The following PARD3B variants were observed in gnomAD, a reference collection of about 807,000 sequenced individuals.
PARD3B encodes the protein par-3 family cell polarity regulator beta, also known as partitioning defective 3 homolog B.
PARD3B carries 103 observed loss-of-function variants against 130.2 expected under a neutral mutation model. That is an observed-to-expected ratio of 0.79 (90% confidence interval 0.67 to 0.93). The LOEUF is 0.93. Ranked by LOEUF, PARD3B falls within the 40% of genes least tolerant of loss-of-function variation. PARD3B has a pLI of 0.00. For missense variants in PARD3B, 1,609 were observed against 1,499.2 expected, an observed-to-expected ratio of 1.07 and a Z score of -1.21; for synonymous variants, 583 against 553.2, an observed-to-expected ratio of 1.05 and a Z score of -0.76.
chr2:205,340,809 C>A (rs2043496236), intron 18 of PARD3B, among the ~76,000 whole-genome samples: 3 of 151,962 alleles, frequency 2.0e-5, no homozygotes. Flanking sequence ...GTGAAGAGGC[C>A]ACTCCACTCT....
chr2:205,007,238 G>A (rs1406206078), intron 3 of PARD3B, among the ~76,000 whole-genome samples: 1 of 152,004 alleles, frequency 6.6e-6, no homozygotes. Context: ...AAGTTTTCTG[G>A]GGCCTCACCA....
chr2:205,132,288 A>C (rs1423592112), intron 10 of PARD3B, among the ~76,000 whole-genome samples: 4 of 152,188 alleles, frequency 2.6e-5, no homozygotes, highest in African/African-American at 9.7e-5. Flanking sequence ...CAATAATTCC[A>C]AAGTTTTTAA....
intron 16 of PARD3B, among the ~76,000 whole-genome samples, chr2:205,282,625 A>G (rs890981166): frequency 1.3e-5 from 2 of 151,708 alleles, no homozygotes; most frequent in African/African-American, 4.8e-5. Flanking sequence ...AATTTGAGAA[A>G]GTATAAATCA....
At chr2:204,692,675 T>A (rs1311429185) in intron 2 of PARD3B, among the ~76,000 whole-genome samples, 1 of 151,956 alleles carries the variant, frequency 6.6e-6, no homozygotes, top group East Asian at 1.9e-4. Flanking sequence ...TTCATGGGAG[T>A]TGATGTTATA....
intron 18 of PARD3B, among the ~76,000 whole-genome samples, chr2:205,385,861 C>G (rs1281221050): frequency 6.6e-6 from 1 of 151,996 alleles, no homozygotes; most frequent in African/African-American, 2.4e-5. Context: ...AATTGGGATC[C>G]CACAGCCTGA....
intron 2 of PARD3B, among the ~76,000 whole-genome samples, chr2:204,860,959 G>T (rs894201124): frequency 6.6e-6 from 1 of 152,150 alleles, no homozygotes; most frequent in Non-Finnish European, 1.5e-5. Context: ...ACACAAAAAT[G>T]TAGAGTTTTC....
intron 1 of PARD3B, among the ~76,000 whole-genome samples, chr2:204,605,237 T>C (rs563708831): frequency 2.9e-4 from 44 of 152,244 alleles, no homozygotes; most frequent in African/African-American, 1.1e-3. Context: ...GAATTAGACT[T>C]TCCATGCCAA....
At chr2:205,518,044 T>A (rs10174857) in intron 21 of PARD3B, among the ~76,000 whole-genome samples, 143,269 of 152,200 alleles carry the variant, frequency 0.94, 68,035 homozygotes, top group East Asian at 1. Flanking sequence ...GGTGATGAGA[T>A]GAATGTATAT....
chr2:204,980,087 A>G (rs1386076272), intron 3 of PARD3B, among the ~76,000 whole-genome samples: 2 of 152,206 alleles, frequency 1.3e-5, no homozygotes, highest in East Asian at 3.8e-4. Context: ...CTGACAAAGG[A>G]TAGTGTACAG....
At chr2:204,958,397 G>A (rs1423633785) in intron 2 of PARD3B, among the ~76,000 whole-genome samples, 2 of 152,308 alleles carry the variant, frequency 1.3e-5, no homozygotes, top group East Asian at 3.9e-4. Context: ...AGACCAGACA[G>A]CACAAACCAT....
chr2:204,975,694 AT>A (rs1212388191), intron 3 of PARD3B, among the ~76,000 whole-genome samples: 1 of 152,212 alleles, frequency 6.6e-6, no homozygotes, highest in Non-Finnish European at 1.5e-5. Context: ...ATTTATTAGC[AT>A]GCTATTGAGT....
intron 3 of PARD3B, among the ~76,000 whole-genome samples, chr2:205,042,090 A>G (rs1698431801): frequency 6.6e-6 from 1 of 152,172 alleles, no homozygotes; most frequent in South Asian, 2.1e-4. Flanking sequence ...ATTCATTGGT[A>G]TACCAATTTC....
intron 20 of PARD3B, among the ~76,000 whole-genome samples, chr2:205,467,523 T>C (rs898955755): frequency 2.0e-5 from 3 of 152,258 alleles, no homozygotes; most frequent in African/African-American, 7.2e-5. Flanking sequence ...ATAATATATT[T>C]TATTTAACTC....
chr2:204,553,603 T>G (rs1441197775), intron 1 of PARD3B, among the ~76,000 whole-genome samples: 2 of 134,646 alleles, frequency 1.5e-5, no homozygotes, highest in East Asian at 2.1e-4. Flanking sequence ...CATATATATG[T>G]ATATATATGG....
intron 2 of PARD3B, among the ~76,000 whole-genome samples, chr2:204,723,867 C>T (rs1294934810): frequency 1.3e-5 from 2 of 152,212 alleles, no homozygotes; most frequent in African/African-American, 2.4e-5. Context: ...AACCTAATTA[C>T]TTATATAACC....
chr2:204,917,479 A>G (rs570568662), intron 2 of PARD3B, among the ~76,000 whole-genome samples: 3 of 152,310 alleles, frequency 2.0e-5, no homozygotes, highest in South Asian at 4.1e-4. Flanking sequence ...ATCCTGGGCA[A>G]CTAGAGGTAT....
chr2:205,009,691 T>C (rs1002644090), intron 3 of PARD3B, among the ~76,000 whole-genome samples: 1 of 150,868 alleles, frequency 6.6e-6, no homozygotes, highest in Non-Finnish European at 1.5e-5. Context: ...AAAAAAATAG[T>C]GTACACACCA....
At chr2:205,211,555 T>C (rs2037635317) in intron 15 of PARD3B, among the ~76,000 whole-genome samples, 1 of 152,082 alleles carries the variant, frequency 6.6e-6, no homozygotes, top group African/African-American at 2.4e-5. Context: ...TGAATAAAGT[T>C]GCTGGAAAGA....
rs201422555 is a variant in PARD3B at position 205,550,976 on chromosome 2, T to TAC, written c.3181-2322_3181-2321dup. 7.0e-4 allele frequency among the ~76,000 whole-genome samples: 88 copies of TAC among 125,598 alleles called. 1 individual carries two copies. Among genetic ancestry groups the TAC allele is most frequent in the African/African-American group, 2.6e-3 (85 of 32,294 alleles). The allele number at this position is 125,598 out of a possible 152,430, so 82.4% of individuals were successfully genotyped here. On this transcript the variant is annotated intron_variant, in intron 21 of 22. Transcript: ENST00000406610. The surrounding 1 kb of genome is among the most constrained non-coding windows in gnomAD (Gnocchi z 4.5). ...ATGTGTATATATATATATATATATA[T>TAC]ACACACACACACACACACACACACA...
Sources: gnomAD v4.1 joint callset for allele counts (sites outside exome capture counted in the v4.1 genomes callset) on GRCh38, gnomAD v4.1.1 for gene constraint, Gnocchi (gnomAD v3.1) non-coding constraint, MANE v1.5 for transcripts, NCBI Gene and HGNC (gene_info 2026-07-23, HGNC 2026-07-21) for gene names.